ERC1: variants seen among roughly 807,000 people sequenced by gnomAD.
The protein encoded by ERC1 is ELKS/RAB6-interacting/CAST family member 1.
Under a neutral mutation model 132.0 loss-of-function variants are expected in ERC1, and 56 were observed. The ratio of observed to expected loss-of-function variants is 0.42; its 90% CI spans 0.34 to 0.53. ERC1 has a LOEUF of 0.53. Ranked by LOEUF, ERC1 falls within the 20% of genes least tolerant of loss-of-function variation. The probability of loss-of-function intolerance (pLI) is 0.03; values close to 1 mark genes in which losing one functional copy is unlikely to be tolerated. For synonymous variants in ERC1, 478 were observed against 476.1 expected (o/e 1.00, Z -0.05); for missense variants, 1,202 against 1,349.9 (o/e 0.89, Z 1.72).
At chr12:1,377,329 A>G (rs1431604998) in intron 16 of ERC1, among the ~76,000 whole-genome samples, 2 of 152,228 alleles carry the variant, frequency 1.3e-5, no homozygotes, top group Non-Finnish European at 2.9e-5. Flanking sequence ...TTCACTGATT[A>G]GGTTGGGAAA....
At chr12:1,064,050 T>C (rs1938589027) in intron 2 of ERC1, among the ~76,000 whole-genome samples, 1 of 152,172 alleles carries the variant, frequency 6.6e-6, no homozygotes, top group South Asian at 2.1e-4. Flanking sequence ...TTGCTGGGTA[T>C]AGTATTCTTG....
chr12:1,065,798 G>A (rs559742039), intron 2 of ERC1, among the ~76,000 whole-genome samples: 55 of 152,190 alleles, frequency 3.6e-4, no homozygotes, highest in African/African-American at 1.2e-3. Flanking sequence ...GCTGGATAAC[G>A]TGCTTTGGCC....
chr12:1,438,954 A>AAAAAATATATATAT (rs1015181197), intron 17 of ERC1, among the ~76,000 whole-genome samples: 1 of 143,492 alleles, frequency 7.0e-6, no homozygotes, highest in African/African-American at 2.6e-5. Context: ...TTTAAAAAAA[A>AAAAAATATATATAT]ATATATATAT....
intron 15 of ERC1, among the ~76,000 whole-genome samples, chr12:1,362,907 A>G (rs1055747852): frequency 6.6e-6 from 1 of 152,250 alleles, no homozygotes; most frequent in African/African-American, 2.4e-5. Flanking sequence ...AAACGTGCTT[A>G]TACTTATCAT....
chr12:1,072,647 TTTG>T (rs1172539703), intron 2 of ERC1, among the ~76,000 whole-genome samples: 6 of 152,308 alleles, frequency 3.9e-5, no homozygotes, highest in South Asian at 2.1e-4. Context: ...TTTTATCATT[TTTG>T]TTGTTGTTTT....
chr12:1,423,506 C>A (rs181003599), intron 17 of ERC1, among the ~76,000 whole-genome samples: 1 of 152,284 alleles, frequency 6.6e-6, no homozygotes, highest in Admixed American at 6.5e-5. Flanking sequence ...CATGATCCAT[C>A]TTAGTGAACA....
At chr12:1,369,365 A>G (rs755437445) in intron 15 of ERC1, among the ~76,000 whole-genome samples, 4 of 152,212 alleles carry the variant, frequency 2.6e-5, no homozygotes, top group Admixed American at 6.5e-5. Context: ...TCATATTACA[A>G]TATTTTCCTT....
intron 16 of ERC1, among the ~76,000 whole-genome samples, chr12:1,393,380 TA>T (rs1272605691): frequency 6.6e-6 from 1 of 151,900 alleles, no homozygotes; most frequent in Non-Finnish European, 1.5e-5. Context: ...ACAAAAATTT[TA>T]AAAATTAGCT....
intron 14 of ERC1, among the ~76,000 whole-genome samples, chr12:1,269,016 G>A (rs1443914988): frequency 1.3e-5 from 2 of 152,210 alleles, no homozygotes; most frequent in African/African-American, 4.8e-5. Flanking sequence ...TATGTTCAAG[G>A]AAGTAGAGAA....
chr12:1,055,957 G>A (rs1265880318), intron 2 of ERC1, among the ~76,000 whole-genome samples: 1 of 151,478 alleles, frequency 6.6e-6, no homozygotes, highest in Non-Finnish European at 1.5e-5. Context: ...ACCAGCCTGG[G>A]CAACATAATG....
chr12:1,310,522 T>A (rs552911143), intron 15 of ERC1, among the ~76,000 whole-genome samples: 1 of 152,298 alleles, frequency 6.6e-6, no homozygotes, highest in East Asian at 1.9e-4. Context: ...TTTAAACAGT[T>A]CTTGATCAGT....
chr12:1,226,092 T>C (rs1177059587), intron 12 of ERC1, among the ~76,000 whole-genome samples: 6 of 152,194 alleles, frequency 3.9e-5, no homozygotes, highest in Non-Finnish European at 8.8e-5. Flanking sequence ...TTATTTTTCT[T>C]TTTATTTCCT....
chr12:1,015,240 G>A (rs1294823578), intron 1 of ERC1, among the ~76,000 whole-genome samples: 2 of 151,696 alleles, frequency 1.3e-5, no homozygotes, highest in Non-Finnish European at 2.9e-5. Context: ...TTGTATTTTG[G>A]TAGAGACAGG....
At position 1,438,954 on chromosome 12, in the gene ERC1, A is replaced by AAAAAATATAT. The variant is rs1015181197; in HGVS notation, c.3025-5607_3025-5606insAAAATATATA. On this transcript the variant is annotated intron_variant, in intron 17 of 18. Transcript: ENST00000360905. ...GAGACCTTGTCTCAATTTAAAAAAA[A>AAAAAATATAT]ATATATATATATATATAAAAAATGA... 1.7e-3 allele frequency among the ~76,000 whole-genome samples: 245 copies of AAAAAATATAT among 143,560 alleles called. 2 individuals are homozygous for AAAAAATATAT. Among genetic ancestry groups the AAAAAATATAT allele is most frequent in the Admixed American group, 4.4e-3 (65 of 14,618 alleles). 94.2% of individuals were successfully genotyped at this position (143,560 alleles called of 152,430 possible).
At chr12:1,417,221 G>A (rs768492585) in intron 17 of ERC1, among the ~76,000 whole-genome samples, 2 of 152,080 alleles carry the variant, frequency 1.3e-5, no homozygotes, top group African/African-American at 2.4e-5. Flanking sequence ...GTTTTCCAGA[G>A]GGTTCACTCC....
chr12:1,409,318 G>T (rs2091704100), intron 17 of ERC1, among the ~76,000 whole-genome samples: 1 of 152,142 alleles, frequency 6.6e-6, no homozygotes, highest in South Asian at 2.1e-4. Flanking sequence ...TACCTTTTCT[G>T]CCTGCTTCCT....
intron 12 of ERC1, among the ~76,000 whole-genome samples, chr12:1,216,628 G>GGGAGGGA (rs1461149647): frequency 7.7e-6 from 1 of 129,274 alleles, no homozygotes; most frequent in African/African-American, 2.8e-5. Context: ...GGGGTGGGGG[G>GGGAGGGA]CGGGGGGAGT....
chr12:1,134,031 T>G, intron 7 of ERC1, among the ~76,000 whole-genome samples: 1 of 152,194 alleles, frequency 6.6e-6, no homozygotes, highest in Non-Finnish European at 1.5e-5. Flanking sequence ...GAGTTTTACC[T>G]TGTTGGGTGC....
chr12:1,006,294 T>C (rs1238231163), intron 1 of ERC1, among the ~76,000 whole-genome samples: 1 of 152,146 alleles, frequency 6.6e-6, no homozygotes, highest in Non-Finnish European at 1.5e-5. Context: ...TTTTTCTCGC[T>C]CAGGCTGGAG....
Sources: gnomAD v4.1 joint callset for allele counts (sites outside exome capture counted in the v4.1 genomes callset) on GRCh38, gnomAD v4.1.1 for gene constraint, MANE v1.5 for transcripts, NCBI Gene and HGNC (gene_info 2026-07-23, HGNC 2026-07-21) for gene names.